Variants in HUNK observed in about 807,000 individuals in gnomAD.
The protein encoded by HUNK is hormonally up-regulated Neu-associated kinase.
A neutral mutation model predicts 61.0 loss-of-function variants in HUNK; 21 were observed. The ratio of observed to expected loss-of-function variants is 0.34; its 90% CI spans 0.24 to 0.50. The LOEUF (loss-of-function observed/expected upper bound fraction) is 0.50, where lower values mean the gene tolerates loss of function less well. HUNK is among the 20% of genes least tolerant of loss of function. The pLI is 0.98. For synonymous variants in HUNK, 371 were observed against 386.1 expected (o/e 0.96, Z 0.46); for missense variants, 772 against 945.7 (o/e 0.82, Z 2.41).
chr21:31,878,460 C>T (rs1216604790), intron 1 of HUNK, among the ~76,000 whole-genome samples: 3 of 151,842 alleles, frequency 2.0e-5, no homozygotes, highest in African/African-American at 4.8e-5. Context: ...AGTGGCTGGA[C>T]GCGGTGGCTC....
At chr21:31,888,048 C>T (rs978211335) in intron 1 of HUNK, among the ~76,000 whole-genome samples, 2 of 151,976 alleles carry the variant, frequency 1.3e-5, no homozygotes, top group African/African-American at 4.8e-5. Context: ...TTCATAGTAG[C>T]CTTTTGTGGT....
In HUNK at chr21:31,995,861, C is replaced by T; in HGVS notation, c.1399C>T (p.Pro467Ser). 6.2e-7 allele frequency: 1 copy of T among 1,613,876 alleles called. No homozygotes were observed. The highest frequency in any genetic ancestry group is 1.1e-5 in the South Asian group (1 of 91,074). ...CAAGAACCTGCCCTCGCACAAACAGCCCTCAGGCTCGCTTATGACACAGAT... is the reference window on the plus strand; with the variant it reads ...CAAGAACCTGCCCTCGCACAAACAGTCCTCAGGCTCGCTTATGACACAGAT... ...LDKNLPSHKQ[P>S]SGSLMTQIQN... is the part of the protein sequence containing the mutation. Residue 467 changes from proline (P) to serine (S), a missense_variant, in exon 10 of 11, where the codon CCC becomes TCC. Pro to Ser is a moderately conservative substitution (Grantham distance 74, BLOSUM62 -1). Around this residue, in one of 2 missense-constraint regions of HUNK, gnomAD observed 413 missense variants for 444.4 expected, o/e 0.93. Transcript: ENST00000270112.
chr21:31,900,395 G>C (rs1399802734), intron 1 of HUNK, among the ~76,000 whole-genome samples: 1 of 150,958 alleles, frequency 6.6e-6, no homozygotes, highest in Non-Finnish European at 1.5e-5. Context: ...TGTGGTAGCT[G>C]CCTCCCAGGT....
intron 2 of HUNK, among the ~76,000 whole-genome samples, chr21:31,935,650 G>A (rs2052728566): frequency 6.6e-6 from 1 of 152,006 alleles, no homozygotes; most frequent in African/African-American, 2.4e-5. Context: ...TCATACAGTT[G>A]GAGTCAAACA....
Position 31,902,198 on chromosome 21 carries a change from T to G in HUNK, c.262-22270T>G, listed in dbSNP as rs529075176. 2.8e-4 allele frequency among the ~76,000 whole-genome samples: 42 copies of G among 152,246 alleles called. No homozygotes were observed. The South Asian group carries it at 8.3e-3, about 30-fold the overall frequency. On this transcript the variant is annotated intron_variant, in intron 1 of 10. Transcript: ENST00000270112. ...TCCCCTTTTTACAGAGGGGAAACTTTTGGTTCACACAGATTAAGAAAGTTG... is the reference window on the plus strand; with the variant it reads ...TCCCCTTTTTACAGAGGGGAAACTTGTGGTTCACACAGATTAAGAAAGTTG...
intron 1 of HUNK, among the ~76,000 whole-genome samples, chr21:31,884,023 G>A (rs1359802048): frequency 6.6e-6 from 1 of 152,202 alleles, no homozygotes; most frequent in Non-Finnish European, 1.5e-5. Flanking sequence ...TACTGTGTGG[G>A]ATGGTCTTTG....
intron 7 of HUNK, among the ~76,000 whole-genome samples, chr21:31,982,969 A>G (rs111592044): frequency 2.0e-5 from 3 of 151,876 alleles, no homozygotes; most frequent in African/African-American, 7.3e-5. Context: ...ATGATTGGCT[A>G]TTTTTGTATT....
intron 7 of HUNK, among the ~76,000 whole-genome samples, chr21:31,976,903 T>C (rs1219048423): frequency 3.3e-5 from 5 of 151,968 alleles, no homozygotes; most frequent in Admixed American, 2.0e-4. Context: ...CCTGAGTAGC[T>C]GGGACTACAG....
At chr21:31,938,942 A>G (rs1039133374) in intron 2 of HUNK, among the ~76,000 whole-genome samples, 5 of 152,214 alleles carry the variant, frequency 3.3e-5, no homozygotes, top group Non-Finnish European at 7.3e-5. Flanking sequence ...AAATGATCTC[A>G]TCGGTAATCT....
At chr21:31,903,030 G>A (rs1257685771) in intron 1 of HUNK, among the ~76,000 whole-genome samples, 1 of 151,200 alleles carries the variant, frequency 6.6e-6, no homozygotes, top group Non-Finnish European at 1.5e-5. Flanking sequence ...GAGAGAGGTG[G>A]AATTTGCAAC....
rs148347417 is a variant in HUNK, at chr21:31,999,509, A to G, written c.*325A>G. The G allele has an allele frequency of 9.3e-4, 299 of 322,144 alleles. No homozygotes were observed. Among genetic ancestry groups the G allele is most frequent in the African/African-American group, 6.1e-3 (290 of 47,864 alleles). The allele number at this position is 322,144 out of a possible 1,614,324, so 20.0% of individuals were successfully genotyped here. A position where few individuals can be genotyped will look rare whatever the true frequency, so the allele number is the denominator to read the frequency against. On this transcript the variant is annotated 3_prime_UTR_variant, in exon 11 of 11. Transcript: ENST00000270112. ...AGGGCATGAGCCTTCTGGGGCACTCAGATTATGGACTGTTACCAGATCTTT... is the reference window on the plus strand; with the variant it reads ...AGGGCATGAGCCTTCTGGGGCACTCGGATTATGGACTGTTACCAGATCTTT...
At chr21:31,941,406 A>C (rs1411446838) in intron 3 of HUNK, among the ~76,000 whole-genome samples, 6 of 151,674 alleles carry the variant, frequency 4.0e-5, no homozygotes, top group African/African-American at 4.9e-5. Flanking sequence ...TCCCGGGTTC[A>C]AGCGATTCTC....
intron 8 of HUNK, 113 bp downstream of exon 8, chr21:31,983,722 T>C (rs2053114142): frequency 5.4e-6 from 4 of 737,936 alleles, no homozygotes; most frequent in Non-Finnish European, 9.3e-6. Flanking sequence ...AAAAGACACA[T>C]ACTTACGCTC....
chr21:31,916,975 CG>C (rs755698883), intron 1 of HUNK, among the ~76,000 whole-genome samples: 11 of 152,002 alleles, frequency 7.2e-5, no homozygotes, highest in Admixed American at 6.6e-4. Context: ...CACACCCGGC[CG>C]GGTTTCCTCT....
At chr21:31,977,094 T>C (rs1009710765) in intron 7 of HUNK, among the ~76,000 whole-genome samples, 2 of 152,188 alleles carry the variant, frequency 1.3e-5, no homozygotes, top group African/African-American at 4.8e-5. Flanking sequence ...GCAAAAAGAC[T>C]ATATTCCCCA....
At chr21:31,988,210 C>T (rs540799275) in intron 8 of HUNK, among the ~76,000 whole-genome samples, 47 of 152,240 alleles carry the variant, frequency 3.1e-4, no homozygotes, top group Non-Finnish European at 4.1e-4. Flanking sequence ...GTGTGCCCGA[C>T]GGACTCCTTT....
At chr21:31,903,000 CT>C (rs1221288942) in intron 1 of HUNK, among the ~76,000 whole-genome samples, 2 of 150,560 alleles carry the variant, frequency 1.3e-5, no homozygotes, top group Admixed American at 6.6e-5. Context: ...TCTAATTTTA[CT>C]TTTTTTTTCT....
Position 31,958,864 on chromosome 21 carries a change from G to A in HUNK, c.768G>A (p.Met256Ile), listed in dbSNP as rs1388624965. The stretch of plus-strand genomic sequence containing the variant: ...TCAGAGGTGTGAACATGTATGCCAT[G>A]TTGACCGGGACGCTGCCTTTCACGG... ...VWSIGVNMYA[M>I]LTGTLPFTVE... The change falls in exon 5 of 11, where the codon ATG becomes ATA. Residue 256 changes from methionine (M) to isoleucine (I), a missense_variant. Physicochemically the swap from Met to Ile is conservative, Grantham distance 10. Coordinates refer to ENST00000270112, the MANE Select transcript of HUNK (RefSeq NM_014586.2). The A allele has an allele frequency of 6.2e-7, 1 of 1,607,124 alleles. No homozygotes were observed. The highest frequency in any genetic ancestry group is 8.5e-7 in the Non-Finnish European group (1 of 1,177,160).
chr21:31,903,343 T>C (rs2052482038), intron 1 of HUNK, among the ~76,000 whole-genome samples: 1 of 152,240 alleles, frequency 6.6e-6, no homozygotes, highest in Admixed American at 6.5e-5. Context: ...GAAATAATTC[T>C]TTTATTGAAC....
Sources: allele counts gnomAD v4.1 joint callset (sites outside exome capture counted in the v4.1 genomes callset), GRCh38; gene constraint gnomAD v4.1.1; regional missense constraint gnomAD v4.1.1; transcripts MANE v1.5; gene names NCBI Gene and HGNC (gene_info 2026-07-23, HGNC 2026-07-21).